Variants in MTAP observed in about 807,000 individuals in gnomAD.
The protein encoded by MTAP is methylthioadenosine phosphorylase, also known as S-methyl-5'-thioadenosine phosphorylase.
Under a neutral mutation model 33.6 loss-of-function variants are expected in MTAP, and 33 were observed. The ratio of observed to expected loss-of-function variants is 0.98; its 90% confidence interval spans 0.74 to 1.31. The LOEUF is 1.31. Ranked by LOEUF, MTAP falls within the 40% of genes most tolerant of loss-of-function variation. The probability of loss-of-function intolerance (pLI) is 0.00; values close to 1 mark genes in which losing one functional copy is unlikely to be tolerated. For synonymous variants in MTAP, 148 were observed against 125.7 expected, an observed-to-expected ratio of 1.18 and a Z score of -1.19; for missense variants, 367 against 360.0, an observed-to-expected ratio of 1.02 and a Z score of -0.16.
chr9:21,914,451 A>G (rs1312212990), intron 1 of MTAP, among the ~76,000 whole-genome samples: 1 of 152,162 alleles, frequency 6.6e-6, no homozygotes, highest in Non-Finnish European at 1.5e-5. Flanking sequence ...CTATGCAGCC[A>G]TAAAAAAGGA....
chr9:21,827,109 G>A (rs1479469713), intron 4 of MTAP, among the ~76,000 whole-genome samples: 2 of 152,162 alleles, frequency 1.3e-5, no homozygotes, highest in Non-Finnish European at 2.9e-5. Context: ...AGCTGTACTA[G>A]GGCCACCCCC....
intron 1 of MTAP, among the ~76,000 whole-genome samples, chr9:21,875,216 T>C (rs911070860): frequency 2.5e-4 from 38 of 152,140 alleles, no homozygotes; most frequent in Admixed American, 2.4e-3. Context: ...CTGGGTCAAA[T>C]GGTATTTCTA....
intron 1 of MTAP, among the ~76,000 whole-genome samples, chr9:21,920,046 G>A (rs1265376862): frequency 6.7e-6 from 1 of 150,178 alleles, no homozygotes; most frequent in African/African-American, 2.5e-5. Flanking sequence ...TAGGATTAGA[G>A]ACAAGAGAAC....
At chr9:21,914,735 A>T (rs1233864030) in intron 1 of MTAP, among the ~76,000 whole-genome samples, 1 of 152,028 alleles carries the variant, frequency 6.6e-6, no homozygotes, top group East Asian at 1.9e-4. Flanking sequence ...CACATATGTA[A>T]CAAACCTGCA....
chr9:21,886,474 TCTTTGCTTTTGTTGC>T (rs1250048073), intron 1 of MTAP, among the ~76,000 whole-genome samples: 1 of 152,178 alleles, frequency 6.6e-6, no homozygotes, highest in African/African-American at 2.4e-5. Flanking sequence ...CATCTATTTA[TCTTTGCTTTTGTTGC>T]ATTTGCTTTT....
chr9:21,822,533 G>C (rs891975054), intron 4 of MTAP, among the ~76,000 whole-genome samples: 3 of 152,192 alleles, frequency 2.0e-5, no homozygotes, highest in African/African-American at 7.2e-5. Context: ...ATTTGCTGAG[G>C]AGTGCTTTAC....
chr9:21,851,563 C>G (rs1349175407), intron 5 of MTAP, among the ~76,000 whole-genome samples: 1 of 152,050 alleles, frequency 6.6e-6, no homozygotes, highest in African/African-American at 2.4e-5. Context: ...TTATTATTGT[C>G]TTTATTTGAA....
chr9:21,837,284 T>C (rs1434970060), intron 4 of MTAP, among the ~76,000 whole-genome samples: 1 of 152,154 alleles, frequency 6.6e-6, no homozygotes, highest in Non-Finnish European at 1.5e-5. Flanking sequence ...GTCACTGGCA[T>C]GAAAAAATAT....
At chr9:21,873,020 T>C (rs1825958583) in intron 1 of MTAP, among the ~76,000 whole-genome samples, 1 of 152,174 alleles carries the variant, frequency 6.6e-6, no homozygotes, top group Non-Finnish European at 1.5e-5. Flanking sequence ...TCCTTGATGT[T>C]ACTAGAGCCC....
At chr9:21,929,647 T>C in intron 1 of MTAP, 2 of 289,090 alleles carry the variant, frequency 6.9e-6, no homozygotes, top group Non-Finnish European at 1.4e-5. Context: ...TACCAGAGAT[T>C]GGACAAGCAT....
intron 1 of MTAP, among the ~76,000 whole-genome samples, chr9:21,895,274 AG>A: frequency 6.6e-6 from 1 of 152,322 alleles, no homozygotes; most frequent in South Asian, 2.1e-4. Context: ...CTGACTTCAA[AG>A]TACACTACAA....
At chr9:21,803,214 C>T in intron 1 of MTAP, 1 of 346,756 alleles carries the variant, frequency 2.9e-6, no homozygotes, top group Middle Eastern at 7.2e-4. Flanking sequence ...GCTTCTGTGA[C>T]CGTCTCCTGG....
Position 21,803,036 on chromosome 9 carries a change from A to ACACACACACACG in MTAP, c.33+256_33+257insACACACACACGC, listed in dbSNP as rs1020757334. 21 of 1,039,806 alleles carry ACACACACACACG rather than the reference A, an allele frequency of 2.0e-5. No individual in the cohort carries two copies. The African/African-American group carries it at 2.9e-4, about 15-fold the overall frequency. The allele number at this position is 1,039,806 out of a possible 1,614,324, so 64.4% of individuals were successfully genotyped here. A position where few individuals can be genotyped will look rare whatever the true frequency, so the allele number is the denominator to read the frequency against. ...CACACACACACACACACACACACACACCACCTTTTGGCTTATCTGCACCCG... is the reference window on the plus strand; with the variant it reads ...CACACACACACACACACACACACACACACACACACACGCCACCTTTTGGCTTATCTGCACCCG... On this transcript the variant is annotated intron_variant, in intron 1 of 7. Coordinates refer to ENST00000644715, the MANE Select transcript of MTAP (RefSeq NM_002451.4).
chr9:21,859,344 T>A lies in MTAP; in HGVS notation c.732T>A (p.Ala244=). The change falls in exon 7 of 8, where the codon GCT becomes GCA. Residue 244 remains alanine (A), a synonymous_variant. Coordinates refer to ENST00000644715, the MANE Select transcript of MTAP (RefSeq NM_002451.4). ...DRVLKTLKEN[A]NKAKSLLLTT... is the part of the protein sequence containing the mutation. ...TCTTAAAGACCCTGAAAGAAAACGC[T>A]AATAAAGCCAAAAGCTTACTGCTCA... The A allele has an allele frequency of 3.1e-6, 5 of 1,613,664 alleles. No homozygotes were observed. The highest frequency in any genetic ancestry group is 4.2e-6 in the Non-Finnish European group (5 of 1,179,772).
chr9:21,812,611 C>G (rs1458260211), intron 1 of MTAP, among the ~76,000 whole-genome samples: 1 of 152,170 alleles, frequency 6.6e-6, no homozygotes, highest in Non-Finnish European at 1.5e-5. Context: ...GTCATTGTTT[C>G]CTGAGGGTGG....
rs1825782774 is a variant in MTAP at position 21,862,906 on chromosome 9, A to AT, written c.*893dup. 2 of 958,204 alleles carry AT rather than the reference A, an allele frequency of 2.1e-6. No homozygotes were observed. Among genetic ancestry groups the AT allele is most frequent in the Non-Finnish European group, 2.5e-6 (2 of 805,564 alleles). The allele number at this position is 958,204 out of a possible 1,614,324, so 59.4% of individuals were successfully genotyped here. A position where few individuals can be genotyped will look rare whatever the true frequency, so the allele number is the denominator to read the frequency against. On this transcript the variant is annotated 3_prime_UTR_variant, in exon 8 of 8. Transcript: ENST00000644715. ...ATTTTTCTACAGTGAATTTAATCAA[A>AT]TAGTAAAGTTGTTGTAAAAATAAAA...
rs903045787 is a variant in MTAP, at chr9:21,886,106, C to T, written c.147+31236C>T. On this transcript the variant is annotated intron_variant, in intron 1 of 1. Coordinates refer to the MTAP transcript ENST00000577563. ...AATGTAAAAGTGTTCTCTTTCACCA[C>T]ATCAAGGCCAACATCTTTTTTTTTT... Among the ~76,000 whole-genome samples the T allele has an allele frequency of 2.0e-5, 3 of 150,728 alleles. No homozygotes were observed. The Admixed American group carries it at 2.0e-4, about 10-fold the overall frequency.
chr9:21,859,254 G>A (rs369801460), intron 6 of MTAP, 49 bp from the exon 7 acceptor site: 11 of 1,564,812 alleles, frequency 7.0e-6, no homozygotes, highest in Middle Eastern at 3.4e-4. Context: ...TTTATGACAA[G>A]CAGTGGAATT....
chr9:21,826,840 C>T (rs1182916081), intron 4 of MTAP, among the ~76,000 whole-genome samples: 2 of 151,902 alleles, frequency 1.3e-5, no homozygotes, highest in Non-Finnish European at 2.9e-5. Flanking sequence ...GAAGGTGAGC[C>T]GTGGGGCGAG....
Sources: allele counts gnomAD v4.1 joint callset (sites outside exome capture counted in the v4.1 genomes callset), GRCh38; gene constraint gnomAD v4.1.1; transcripts MANE v1.5; gene names NCBI Gene and HGNC (gene_info 2026-07-23, HGNC 2026-07-21).